Variants in PHIP observed in about 807,000 individuals in gnomAD.
PHIP encodes the protein PHIP subunit of CUL4-Ring ligase complex.
PHIP carries 54 observed loss-of-function variants against 236.8 expected under a neutral mutation model. That is an observed-to-expected ratio of 0.23 (90% CI 0.18 to 0.29). PHIP has a LOEUF of 0.29. PHIP is among the 10% of genes least tolerant of loss of function. The pLI is 1.00. For missense variants in PHIP, 1,370 were observed against 2,190.8 expected, an observed-to-expected ratio of 0.63 and a Z score of 7.48; for synonymous variants, 756 against 718.9, an observed-to-expected ratio of 1.05 and a Z score of -0.83.
At position 79,035,033 on chromosome 6, in the gene PHIP, T is replaced by C. The variant is rs745447603; in HGVS notation, c.600+7810A>G. On this transcript the variant is annotated intron_variant, in intron 7 of 39. Coordinates refer to ENST00000275034, the MANE Select transcript of PHIP (RefSeq NM_017934.7). ...TGGAGTCTGCACAGAACAAGCTTGCTGACATCATAGCCTGACTATCTACCA... is the reference window on the plus strand; with the variant it reads ...TGGAGTCTGCACAGAACAAGCTTGCCGACATCATAGCCTGACTATCTACCA... 5.9e-5 allele frequency among the ~76,000 whole-genome samples: 9 copies of C among 152,306 alleles called. No homozygotes were observed. The South Asian group carries it at 8.3e-4, about 14-fold the overall frequency.
intron 20 of PHIP, among the ~76,000 whole-genome samples, chr6:78,989,228 G>T (rs115772176): frequency 6.6e-6 from 1 of 152,158 alleles, no homozygotes; most frequent in East Asian, 1.9e-4. Context: ...GACTGGCCAG[G>T]GCAATGGCAA....
chr6:78,976,264 A>G (rs1768053606), intron 24 of PHIP, among the ~76,000 whole-genome samples: 2 of 149,742 alleles, frequency 1.3e-5, no homozygotes, highest in South Asian at 4.3e-4. Flanking sequence ...GAGAAAAACA[A>G]GCAATGGGAA....
chr6:79,028,125 T>C (rs1055822107), intron 7 of PHIP, among the ~76,000 whole-genome samples: 1 of 152,084 alleles, frequency 6.6e-6, no homozygotes, highest in Non-Finnish European at 1.5e-5. Context: ...GAGTAGTTCA[T>C]AGAACTGCAA....
chr6:79,016,549 TG>T lies in PHIP; in HGVS notation c.1229del (p.Pro410GlnfsTer9). 6.2e-7 allele frequency: 1 copy of T among 1,601,636 alleles called. No individual in the cohort carries two copies. Among genetic ancestry groups the T allele is most frequent in the Non-Finnish European group, 8.6e-7 (1 of 1,169,352 alleles). ...KSILLDMATR[P>X]AGQNLQGIED... Reference sequence around the variant, plus strand: ...TTTCAAATTTGACCTCTTACCCTGCTGGACGAGTAGCCATATCCAACAAAAT... The same window carrying T: ...TTTCAAATTTGACCTCTTACCCTGCTGACGAGTAGCCATATCCAACAAAAT... On this transcript the variant is annotated frameshift_variant, in exon 13 of 40. Coordinates refer to ENST00000275034, the MANE Select transcript of PHIP (RefSeq NM_017934.7). LOFTEE classifies it high-confidence loss of function.
chr6:79,040,863 C>A (rs562305838), intron 7 of PHIP, among the ~76,000 whole-genome samples: 270 of 147,394 alleles, frequency 1.8e-3, no homozygotes, highest in African/African-American at 6.4e-3. Flanking sequence ...AAAACAAATT[C>A]TATCACATTC....
intron 29 of PHIP, among the ~76,000 whole-genome samples, chr6:78,964,040 A>T (rs907815228): frequency 6.6e-6 from 1 of 152,196 alleles, no homozygotes; most frequent in African/African-American, 2.4e-5. Flanking sequence ...AAAAATATCC[A>T]AGGCATTATA....
chr6:79,075,106 T>C (rs1281940589), intron 4 of PHIP, among the ~76,000 whole-genome samples: 2 of 152,086 alleles, frequency 1.3e-5, no homozygotes, highest in Non-Finnish European at 2.9e-5. Context: ...ATAATTAAAA[T>C]AGAAAATACT....
chr6:78,982,691 A>C (rs1308931668), intron 23 of PHIP, among the ~76,000 whole-genome samples, 195 bp downstream of exon 23: 1 of 152,098 alleles, frequency 6.6e-6, no homozygotes, highest in Non-Finnish European at 1.5e-5. Context: ...AAATACTTTT[A>C]CATGTTAAAT....
intron 15 of PHIP, among the ~76,000 whole-genome samples, chr6:79,014,831 G>GTATGTGGAT (rs1770763887): frequency 6.6e-6 from 1 of 151,610 alleles, no homozygotes. Flanking sequence ...AATTTCCAAA[G>GTATGTGGAT]TTTCACTGCT....
intron 20 of PHIP, among the ~76,000 whole-genome samples, chr6:78,990,537 C>A (rs947770962): frequency 6.6e-6 from 1 of 151,766 alleles, no homozygotes; most frequent in African/African-American, 2.4e-5. Flanking sequence ...CATAGAAAAA[C>A]ATAACAAAAT....
intron 29 of PHIP, 128 bp from the exon 30 acceptor site, chr6:78,963,380 A>T: frequency 6.5e-6 from 4 of 615,842 alleles, no homozygotes; most frequent in Non-Finnish European, 1.0e-5. Context: ...TATACTCTTT[A>T]TTTTAACAAA....
chr6:78,977,709 A>G (rs546120284), intron 24 of PHIP, among the ~76,000 whole-genome samples: 10 of 152,274 alleles, frequency 6.6e-5, no homozygotes, highest in Non-Finnish European at 1.2e-4. Flanking sequence ...TTCACATCTT[A>G]ATGCTACAGG....
intron 19 of PHIP, among the ~76,000 whole-genome samples, chr6:78,996,092 A>G (rs1582191566): frequency 6.6e-6 from 1 of 152,196 alleles, no homozygotes; most frequent in African/African-American, 2.4e-5. Flanking sequence ...GCCTCAACCT[A>G]CAACTAGCAA....
intron 14 of PHIP, 29 bp from the exon 15 acceptor site, chr6:79,015,245 C>A: frequency 6.5e-7 from 1 of 1,541,426 alleles, no homozygotes; most frequent in South Asian, 1.1e-5. Flanking sequence ...GTCAAAGAAT[C>A]ATAGATATTA....
intron 4 of PHIP, among the ~76,000 whole-genome samples, chr6:79,066,531 A>C (rs551034041): frequency 6.6e-6 from 1 of 152,192 alleles, no homozygotes; most frequent in Non-Finnish European, 1.5e-5. Flanking sequence ...TGTATATATC[A>C]ATGTGCAAGA....
chr6:78,977,751 A>G (rs997210297), intron 24 of PHIP, among the ~76,000 whole-genome samples: 1 of 152,204 alleles, frequency 6.6e-6, no homozygotes, highest in African/African-American at 2.4e-5. Context: ...CTATATCACA[A>G]CAATGTGGTA....
chr6:78,970,679 T>C (rs1767473751), intron 25 of PHIP, 102 bp downstream of exon 25: 1 of 711,560 alleles, frequency 1.4e-6, no homozygotes, highest in Non-Finnish European at 2.3e-6. Flanking sequence ...GGTATCTTCA[T>C]GATGCAGTTT....
Position 78,945,410 on chromosome 6 carries a change from T to C in PHIP, c.4718A>G (p.Asn1573Ser). Reference sequence around the variant, plus strand: ...CTTTTCCATGTTTTCTTTTGCAGAATTATTCCTAGTGCCATGACTAAAACT... The same window carrying C: ...CTTTTCCATGTTTTCTTTTGCAGAACTATTCCTAGTGCCATGACTAAAACT... ...QSSFSHGTRN[N>S]SAKENMEKEK... The change falls in exon 39 of 40, where the codon AAT becomes AGT. Residue 1573 changes from asparagine to serine, a missense_variant. By Grantham distance (46) the Asn-to-Ser change is conservative. Coordinates refer to ENST00000275034, the MANE Select transcript of PHIP (RefSeq NM_017934.7). The C allele has an allele frequency of 6.2e-7, 1 of 1,612,214 alleles. No individual in the cohort carries two copies. Among genetic ancestry groups the C allele is most frequent in the Non-Finnish European group, 8.5e-7 (1 of 1,178,320 alleles).
rs181972141 is a variant in PHIP at position 78,946,309 on chromosome 6, G to A, written c.4371-49C>T. On this transcript the variant is annotated intron_variant, in intron 37 of 39. Transcript: ENST00000275034. ...GTCACTCTTATAGCTCTATGTGAAC[G>A]AATAAAACAGTTTATAATATTTTTG... 1.6e-3 allele frequency: 2,363 copies of A among 1,514,306 alleles called. 2 individuals are homozygous for A. The highest frequency in any genetic ancestry group is 2.5e-3 in the Middle Eastern group (14 of 5,662). The allele number at this position is 1,514,306 out of a possible 1,614,324, so 93.8% of individuals were successfully genotyped here. A position where few individuals can be genotyped will look rare whatever the true frequency, so the allele number is the denominator to read the frequency against.
Sources: gnomAD v4.1 joint callset for allele counts (sites outside exome capture counted in the v4.1 genomes callset) on GRCh38, gnomAD v4.1.1 for gene constraint, MANE v1.5 for transcripts, NCBI Gene and HGNC (gene_info 2026-07-23, HGNC 2026-07-21) for gene names.